The following ADAMTS17 variants were observed in gnomAD, a reference collection of about 807,000 sequenced individuals.
ADAMTS17 encodes ADAM metallopeptidase with thrombospondin type 1 motif 17, also known as A disintegrin and metalloproteinase with thrombospondin motifs 17.
ADAMTS17 carries 113 observed loss-of-function variants against 141.5 expected under a neutral mutation model. That is an observed-to-expected ratio of 0.80 (90% confidence interval 0.69 to 0.93). The LOEUF is 0.93. Ranked by LOEUF, ADAMTS17 falls within the 40% of genes least tolerant of loss-of-function variation. The probability of loss-of-function intolerance (pLI) is 0.00; values close to 1 mark genes in which losing one functional copy is unlikely to be tolerated. For synonymous variants in ADAMTS17, 768 were observed against 630.6 expected, an observed-to-expected ratio of 1.22 and a Z score of -3.27; for missense variants, 1,659 against 1,517.9, an observed-to-expected ratio of 1.09 and a Z score of -1.54.
At chr15:100,117,490 G>C (rs998896670) in intron 12 of ADAMTS17, among the ~76,000 whole-genome samples, 1 of 152,156 alleles carries the variant, frequency 6.6e-6, no homozygotes, top group African/African-American at 2.4e-5. Context: ...AAAAGAATAA[G>C]AACAACGAGT....
intron 18 of ADAMTS17, among the ~76,000 whole-genome samples, chr15:100,019,869 G>T (rs1433371467): frequency 2.0e-5 from 3 of 152,156 alleles, no homozygotes; most frequent in Non-Finnish European, 4.4e-5. Flanking sequence ...CTCACACTTG[G>T]AGATGATTCT....
At chr15:100,153,872 C>A (rs1439456010) in intron 9 of ADAMTS17, among the ~76,000 whole-genome samples, 1 of 152,054 alleles carries the variant, frequency 6.6e-6, no homozygotes, top group Non-Finnish European at 1.5e-5. Context: ...GTGCTGTGTA[C>A]ATGAGCAAAT....
chr15:100,239,063 C>G (rs954610617), intron 7 of ADAMTS17, among the ~76,000 whole-genome samples: 2 of 152,200 alleles, frequency 1.3e-5, no homozygotes, highest in Non-Finnish European at 2.9e-5. Flanking sequence ...GCACTCCAGC[C>G]TGGGCAACAG....
intron 7 of ADAMTS17, among the ~76,000 whole-genome samples, chr15:100,199,886 G>A (rs916743700): frequency 6.6e-6 from 1 of 152,230 alleles, no homozygotes; most frequent in African/African-American, 2.4e-5. Context: ...CTCAGGCGAT[G>A]CCCCTGCACC....
At chr15:100,006,827 C>T (rs1488465305) in intron 18 of ADAMTS17, among the ~76,000 whole-genome samples, 2 of 152,206 alleles carry the variant, frequency 1.3e-5, no homozygotes, top group African/African-American at 4.8e-5. Flanking sequence ...AGAGACAGGC[C>T]AATTCCAGGC....
At chr15:100,201,331 C>A (rs1025792481) in intron 7 of ADAMTS17, among the ~76,000 whole-genome samples, 3 of 150,470 alleles carry the variant, frequency 2.0e-5, no homozygotes, top group Non-Finnish European at 4.4e-5. Context: ...TAGTTCTTCC[C>A]CTCCCCCCTC....
Position 100,330,901 on chromosome 15 carries a change from T to C in ADAMTS17, c.604A>G (p.Lys202Glu). 1.2e-6 allele frequency: 2 copies of C among 1,614,176 alleles called. No homozygotes were observed. Among genetic ancestry groups the C allele is most frequent in the Non-Finnish European group, 1.7e-6 (2 of 1,180,028 alleles). ...TGCCCCGACTCACCTGTTAGAACCT[T>C]GCAGAGCTGCTCAGGTCTCTGGGCC... ...AEAQRPEQLC[K>E]VLTEKKKPTW... Residue 202 changes from lysine (K) to glutamate (E), a missense_variant, in exon 3 of 22, where the codon AAG becomes GAG. By Grantham distance (56) the Lys-to-Glu change is moderately conservative. Transcript: ENST00000268070.
intron 18 of ADAMTS17, among the ~76,000 whole-genome samples, chr15:100,018,475 G>A (rs1023813660): frequency 1.3e-5 from 2 of 152,186 alleles, no homozygotes; most frequent in Non-Finnish European, 2.9e-5. Flanking sequence ...CCCCTTTGCT[G>A]TTCTCATGAT....
At chr15:100,131,869 G>A (rs1468523045) in intron 12 of ADAMTS17, 138 bp downstream of exon 12, 10 of 1,337,394 alleles carry the variant, frequency 7.5e-6, no homozygotes, top group East Asian at 2.3e-5. Context: ...CCTGCACCCT[G>A]GACCTTGGCT....
chr15:100,082,038 C>T (rs1340340397), intron 15 of ADAMTS17, among the ~76,000 whole-genome samples: 3 of 152,252 alleles, frequency 2.0e-5, no homozygotes, highest in South Asian at 4.1e-4. Context: ...ATCAGTCTAT[C>T]ATCTGTTGTT....
At chr15:100,235,289 G>T (rs1332269796) in intron 7 of ADAMTS17, among the ~76,000 whole-genome samples, 1 of 152,068 alleles carries the variant, frequency 6.6e-6, no homozygotes, top group Non-Finnish European at 1.5e-5. Context: ...GGCAGGCAAG[G>T]GCCTGTGCAG....
intron 15 of ADAMTS17, among the ~76,000 whole-genome samples, chr15:100,086,937 G>A (rs1469851451): frequency 6.6e-6 from 1 of 152,074 alleles, no homozygotes; most frequent in Non-Finnish European, 1.5e-5. Context: ...AAGAACCAGA[G>A]AATCAAGAGC....
At chr15:100,183,722 G>C (rs2040605758) in intron 8 of ADAMTS17, among the ~76,000 whole-genome samples, 1 of 152,242 alleles carries the variant, frequency 6.6e-6, no homozygotes, top group African/African-American at 2.4e-5. Context: ...ATTATATTAG[G>C]AGTCTCTTGA....
At chr15:100,112,151 C>G (rs2036828102) in intron 13 of ADAMTS17, among the ~76,000 whole-genome samples, 1 of 152,204 alleles carries the variant, frequency 6.6e-6, no homozygotes, top group Admixed American at 6.5e-5. Flanking sequence ...TTTATCTGGA[C>G]TCTTTAGGGT....
chr15:100,211,298 CAAAAAAA>C (rs11323381), intron 7 of ADAMTS17, among the ~76,000 whole-genome samples: 3 of 95,790 alleles, frequency 3.1e-5, no homozygotes, highest in African/African-American at 1.2e-4. Flanking sequence ...AACTTCATCT[CAAAAAAA>C]AAAAAAAAAA....
At chr15:100,146,449 C>T (rs1416012293) in intron 10 of ADAMTS17, among the ~76,000 whole-genome samples, 1 of 152,216 alleles carries the variant, frequency 6.6e-6, no homozygotes, top group Admixed American at 6.5e-5. Flanking sequence ...TTGTGATTTC[C>T]TATGCCTGTG....
In ADAMTS17 at chr15:100,048,940, A is replaced by C; in HGVS notation, c.2508T>G (p.Thr836=). ...SCTRIVNKTT[T]LVNDSDCPQA... is the part of the protein sequence containing the mutation. ...GAGGGCAGTCACTGTCGTTCACCAG[A>C]GTTGTGGTCTTGTTGACAATCCGTG... The change falls in exon 18 of 22, where the codon ACT becomes ACG. Residue 836 remains threonine, a synonymous_variant. Coordinates refer to ENST00000268070, the MANE Select transcript of ADAMTS17 (RefSeq NM_139057.4). 1.2e-6 allele frequency: 2 copies of C among 1,614,036 alleles called. No homozygotes were observed. Among genetic ancestry groups the C allele is most frequent in the Non-Finnish European group, 1.7e-6 (2 of 1,180,008 alleles).
rs1567632295 is a variant in ADAMTS17, at chr15:99,977,380, ATATATATATATATATATATAATT to A, written c.2950-1181_2950-1159del. On this transcript the variant is annotated intron_variant, in intron 20 of 21. Transcript: ENST00000268070. Reference sequence around the variant, plus strand: ...TATATATATATATATATATATATATATATATATATATATATATATAATTTTTTTTTTTTTTTTTTTTTTTTTTT... The same window carrying A: ...TATATATATATATATATATATATATATTTTTTTTTTTTTTTTTTTTTTTTT... Among the ~76,000 whole-genome samples the A allele has an allele frequency of 1.0e-3, 25 of 24,884 alleles. 3 individuals carry two copies. The highest frequency in any genetic ancestry group is 2.5e-3 in the African/African-American group (11 of 4,322). 16.3% of individuals were successfully genotyped at this position (24,884 alleles called of 152,430 possible).
At chr15:100,153,510 T>C (rs1024376849) in intron 9 of ADAMTS17, among the ~76,000 whole-genome samples, 52 of 152,146 alleles carry the variant, frequency 3.4e-4, no homozygotes, top group African/African-American at 1.2e-3. Context: ...GGCATGGTTG[T>C]AGTCCCACCT....
Sources: allele counts gnomAD v4.1 joint callset (sites outside exome capture counted in the v4.1 genomes callset), GRCh38; gene constraint gnomAD v4.1.1; transcripts MANE v1.5; gene names NCBI Gene and HGNC (gene_info 2026-07-23, HGNC 2026-07-21).